Variants in MYT1 observed in about 807,000 individuals in gnomAD.
MYT1 encodes myelin transcription factor 1.
A neutral mutation model predicts 123.0 loss-of-function variants in MYT1; 23 were observed. The observed-to-expected ratio is 0.19, with a 90% CI of 0.13 to 0.26. The LOEUF is 0.26. Ranked by LOEUF, MYT1 falls within the 10% of genes least tolerant of loss-of-function variation. The pLI, the probability that MYT1 is intolerant of heterozygous loss-of-function variation, is 1.00. For missense variants in MYT1, 1,125 were observed against 1,472.5 expected (o/e 0.76, Z 3.86); for synonymous variants, 518 against 575.3 (o/e 0.90, Z 1.43).
chr20:64,207,894 A>G lies in MYT1; in HGVS notation c.698A>G (p.Gln233Arg). Residue 233 changes from glutamine to arginine, a missense_variant, in exon 7 of 23, where the codon CAG (glutamine) becomes CGG (arginine). Around this residue, in one of 4 missense-constraint regions of MYT1, gnomAD observed 406 missense variants for 432.2 expected, o/e 0.94. Transcript: ENST00000328439. ...GTCGAAGTCACCACCGAGCGCTCCC[A>G]GGACCTGTGTCCCCAGTCCCTGGAG... ...EVVEVTTERS[Q>R]DLCPQSLEDA... 1.9e-6 allele frequency: 3 copies of G among 1,613,126 alleles called. No homozygotes were observed. Among genetic ancestry groups the G allele is most frequent in the East Asian group, 4.5e-5 (2 of 44,800 alleles).
intron 16 of MYT1, among the ~76,000 whole-genome samples, chr20:64,225,025 C>T (rs1984127757): frequency 6.6e-6 from 1 of 152,166 alleles, no homozygotes; most frequent in African/African-American, 2.4e-5. Context: ...CCAAAAGCCT[C>T]CCCTGTGTGA....
intron 1 of MYT1, among the ~76,000 whole-genome samples, chr20:64,169,458 G>T (rs973463743): frequency 1.3e-5 from 2 of 152,220 alleles, no homozygotes; most frequent in African/African-American, 4.8e-5. Context: ...CAGCCAAAGT[G>T]GCTCCTAACT....
rs187126724 is a variant in MYT1, at chr20:64,240,514, C to T, written c.*66C>T. ...TTACCTCCCTCGCCCTGCCCCGCAC[C>T]GTGGGGATGCCCAACTCACAGTGAC... On this transcript the variant is annotated 3_prime_UTR_variant, in exon 23 of 23. Transcript: ENST00000328439. 7.8e-5 allele frequency: 118 copies of T among 1,521,964 alleles called. No homozygotes were observed. Among genetic ancestry groups the T allele is most frequent in the Admixed American group, 7.6e-4 (36 of 47,370 alleles). The allele number at this position is 1,521,964 out of a possible 1,614,324, so 94.3% of individuals were successfully genotyped here. A position where few individuals can be genotyped will look rare whatever the true frequency, so the allele number is the denominator to read the frequency against.
intron 1 of MYT1, among the ~76,000 whole-genome samples, chr20:64,173,694 T>C (rs28575034): frequency 3.4e-5 from 3 of 87,780 alleles, no homozygotes; most frequent in South Asian, 3.9e-4. Flanking sequence ...CTGCAGCATC[T>C]TTCCTTGTAG....
In MYT1 at chr20:64,191,031, T is replaced by G. The variant is rs1370868428; in HGVS notation, c.-1+871T>G. ...AAAATGAAAATGTGACCCCAGAGTC[T>G]CACTTCCTTGCTTTGAGGTGTGACC... On this transcript the variant is annotated intron_variant, in intron 2 of 22. Coordinates refer to ENST00000328439, the MANE Select transcript of MYT1 (RefSeq NM_004535.3). This position sits in a 1 kb window ranked among gnomAD's most constrained non-coding sequence, Gnocchi z 4.1. Among the ~76,000 whole-genome samples, 1 of 152,188 alleles carries G rather than the reference T, an allele frequency of 6.6e-6. No individual in the cohort carries two copies. The highest frequency in any genetic ancestry group is 2.4e-5 in the African/African-American group (1 of 41,454).
Position 64,187,984 on chromosome 20 carries a change from G to A in MYT1, c.-98-2079G>A, listed in dbSNP as rs544796617. 4.6e-5 allele frequency among the ~76,000 whole-genome samples: 7 copies of A among 152,326 alleles called. No individual in the cohort carries two copies. In the East Asian group the frequency reaches 7.7e-4, roughly 17 times the overall value. On this transcript the variant is annotated intron_variant, in intron 1 of 22. Coordinates refer to ENST00000328439, the MANE Select transcript of MYT1 (RefSeq NM_004535.3). ...CTCTTTGGAGGAGCAGTTGATCCCC[G>A]GGATGCTAGTGCTCTGCCTGAGCAG...
intron 6 of MYT1, 41 bp from the exon 7 acceptor site, chr20:64,207,553 A>G: frequency 6.3e-7 from 1 of 1,584,974 alleles, no homozygotes; most frequent in South Asian, 1.2e-5. Flanking sequence ...GAGTCTTCCC[A>G]CGTGCTCTCT....
intron 1 of MYT1, among the ~76,000 whole-genome samples, chr20:64,180,020 G>A (rs1338611341): frequency 6.9e-6 from 1 of 145,678 alleles, no homozygotes; most frequent in Non-Finnish European, 1.5e-5. Flanking sequence ...CTACACACAT[G>A]CTACATGCAG....
intron 7 of MYT1, among the ~76,000 whole-genome samples, chr20:64,210,387 G>A (rs754460718): frequency 4.6e-5 from 7 of 152,256 alleles, no homozygotes; most frequent in Non-Finnish European, 8.8e-5. Flanking sequence ...AGAGGCCGTG[G>A]GACAGGGGTG....
chr20:64,224,264 C>T (rs910329708), intron 16 of MYT1, among the ~76,000 whole-genome samples: 1 of 152,202 alleles, frequency 6.6e-6, no homozygotes, highest in African/African-American at 2.4e-5. Flanking sequence ...TGTTGGGGGC[C>T]CTGAATCCAG....
chr20:64,164,786 T>C (rs1254513495), intron 1 of MYT1, 47 bp downstream of exon 1: 1 of 152,182 alleles, frequency 6.6e-6, no homozygotes, highest in African/African-American at 2.4e-5. Context: ...TACCCAACGC[T>C]TGGCTTTTCC....
chr20:64,205,406 T>C, intron 5 of MYT1, 147 bp from the exon 6 acceptor site: 1 of 1,247,682 alleles, frequency 8.0e-7, no homozygotes, highest in Non-Finnish European at 1.1e-6. Context: ...TGCTGCACTT[T>C]GCTTTTTTTG....
At chr20:64,220,750 A>T (rs1218105612) in intron 13 of MYT1, among the ~76,000 whole-genome samples, 1 of 151,968 alleles carries the variant, frequency 6.6e-6, no homozygotes, top group Admixed American at 6.6e-5. Flanking sequence ...CTGTGGAAGG[A>T]GCAGGGCCAG....
chr20:64,213,458 C>T lies in MYT1; in HGVS notation c.1518-76C>T, dbSNP rs996679392. The T allele has an allele frequency of 8.6e-7, 1 of 1,164,308 alleles. No homozygotes were observed. Among genetic ancestry groups the T allele is most frequent in the Admixed American group, 1.8e-5 (1 of 54,162 alleles). The allele number at this position is 1,164,308 out of a possible 1,614,324, so 72.1% of individuals were successfully genotyped here. On this transcript the variant is annotated intron_variant, in intron 9 of 22. Transcript: ENST00000328439. The surrounding 1 kb of genome is among the most constrained non-coding windows in gnomAD (Gnocchi z 5.6). ...ATCTGAATGACCTTGCCGTGAGACA[C>T]CCACACACACAGACACCCAGGACAG...
At chr20:64,221,762 A>G (rs1984010097) in intron 13 of MYT1, 131 bp from the exon 14 acceptor site, 1 of 909,880 alleles carries the variant, frequency 1.1e-6, no homozygotes, top group Non-Finnish European at 1.6e-6. Flanking sequence ...TCCCTTATCC[A>G]GAAGATAGGA....
At chr20:64,225,257 C>T (rs547833306) in intron 16 of MYT1, among the ~76,000 whole-genome samples, 4 of 152,354 alleles carry the variant, frequency 2.6e-5, no homozygotes, top group South Asian at 2.1e-4. Flanking sequence ...GAGGCGGCAT[C>T]GGGCACTGGC....
chr20:64,210,912 A>G (rs1983646330), intron 7 of MYT1, among the ~76,000 whole-genome samples: 1 of 152,224 alleles, frequency 6.6e-6, no homozygotes, highest in South Asian at 2.1e-4. Flanking sequence ...ACACTGTCAG[A>G]GGAGAGAGGA....
intron 1 of MYT1, among the ~76,000 whole-genome samples, chr20:64,176,838 C>A (rs1404641187): frequency 2.0e-5 from 3 of 152,226 alleles, no homozygotes; most frequent in Non-Finnish European, 2.9e-5. Context: ...TGGGCACACT[C>A]CTCCCCTGTT....
rs1270223806 is a variant in MYT1 at position 64,239,687 on chromosome 20, G to A, written c.3094-73G>A. 1.3e-4 allele frequency: 206 copies of A among 1,594,186 alleles called. 2 individuals carry two copies. In the South Asian group the frequency reaches 1.7e-3, roughly 13 times the overall value. On this transcript the variant is annotated intron_variant, in intron 21 of 22. Transcript: ENST00000328439. ...TGCATTCTCCCAGAGGGTTGTGAGAGGCAGCCCAGAGAGGACCCCCAGGAG... is the reference window on the plus strand; with the variant it reads ...TGCATTCTCCCAGAGGGTTGTGAGAAGCAGCCCAGAGAGGACCCCCAGGAG...
Sources: gnomAD v4.1 joint callset for allele counts (sites outside exome capture counted in the v4.1 genomes callset) on GRCh38, gnomAD v4.1.1 for gene constraint, gnomAD v4.1.1 regional missense constraint, Gnocchi (gnomAD v3.1) non-coding constraint, MANE v1.5 for transcripts, NCBI Gene and HGNC (gene_info 2026-07-23, HGNC 2026-07-21) for gene names.